KIRREL3: variants seen among roughly 807,000 people sequenced by gnomAD.
KIRREL3 encodes kin of IRRE-like protein 3.
KIRREL3 carries 36 observed loss-of-function variants against 89.7 expected under a neutral mutation model. That is an observed-to-expected ratio of 0.40 (90% confidence interval 0.31 to 0.53). KIRREL3 has a LOEUF of 0.53. Among genes scored for constraint, KIRREL3 ranks in the 20% least tolerant of loss-of-function variants. The probability of loss-of-function intolerance (pLI) is 0.49; values close to 1 mark genes in which losing one functional copy is unlikely to be tolerated. For synonymous variants in KIRREL3, 445 were observed against 441.4 expected (o/e 1.01, Z -0.10); for missense variants, 864 against 1,056.6 (o/e 0.82, Z 2.53).
At chr11:126,661,688 A>T (rs1226765733) in intron 1 of KIRREL3, among the ~76,000 whole-genome samples, 2 of 152,214 alleles carry the variant, frequency 1.3e-5, no homozygotes, top group Non-Finnish European at 2.9e-5. Context: ...GGTGCTCATC[A>T]TTGGCTGCAT....
Position 126,900,096 on chromosome 11 carries a change from A to G in KIRREL3, c.55+100359T>C, listed in dbSNP as rs574538306. Reference sequence around the variant, plus strand: ...GTCACTTCCTCTGCTCTCCAAATCAATTGTTTTGCACAATGGAGACACACT... The same window carrying G: ...GTCACTTCCTCTGCTCTCCAAATCAGTTGTTTTGCACAATGGAGACACACT... On this transcript the variant is annotated intron_variant, in intron 1 of 16. Transcript: ENST00000525144. The surrounding 1 kb of genome is among the most constrained non-coding windows in gnomAD (Gnocchi z 4.4). Among the ~76,000 whole-genome samples the G allele has an allele frequency of 1.3e-5, 2 of 152,288 alleles. No homozygotes were observed. Among genetic ancestry groups the G allele is most frequent in the African/African-American group, 4.8e-5 (2 of 41,570 alleles).
At chr11:126,545,686 C>G (rs967712142) in intron 2 of KIRREL3, among the ~76,000 whole-genome samples, 34 of 151,108 alleles carry the variant, frequency 2.3e-4, no homozygotes, top group African/African-American at 7.6e-4. Context: ...GGAGAACAGG[C>G]CTTCAGGGAG....
chr11:126,665,996 C>T (rs191609789), intron 1 of KIRREL3, among the ~76,000 whole-genome samples: 4 of 152,260 alleles, frequency 2.6e-5, no homozygotes, highest in South Asian at 2.1e-4. Flanking sequence ...CAGTCTAAAG[C>T]GTTGTTGCTA....
chr11:126,712,801 C>T (rs1034162202), intron 1 of KIRREL3, among the ~76,000 whole-genome samples: 3 of 152,226 alleles, frequency 2.0e-5, no homozygotes, highest in African/African-American at 7.2e-5. Context: ...CCTCGTTCCT[C>T]CTACAAAATG....
chr11:126,907,470 T>C (rs752394071), intron 1 of KIRREL3, among the ~76,000 whole-genome samples: 2 of 152,172 alleles, frequency 1.3e-5, no homozygotes, highest in Non-Finnish European at 2.9e-5. Flanking sequence ...CAGTGAGCTA[T>C]AAGAAAAAGA....
chr11:126,768,323 C>T lies in KIRREL3; in HGVS notation c.56-205411G>A, dbSNP rs1302584512. ...CCATCCAATCTGTCCATCTGTCCAT[C>T]CATACTGCATCCATCCATCCACTTA... On this transcript the variant is annotated intron_variant, in intron 1 of 16. Transcript: ENST00000525144. The surrounding 1 kb of genome is among the most constrained non-coding windows in gnomAD (Gnocchi z 4.5). Among the ~76,000 whole-genome samples the T allele has an allele frequency of 6.6e-6, 1 of 152,208 alleles. No individual in the cohort carries two copies. The highest frequency in any genetic ancestry group is 1.5e-5 in the Non-Finnish European group (1 of 68,044).
intron 1 of KIRREL3, among the ~76,000 whole-genome samples, chr11:126,921,439 CTAT>C (rs1379964148): frequency 3.3e-5 from 5 of 151,950 alleles, no homozygotes; most frequent in African/African-American, 1.2e-4. Flanking sequence ...ATCTATCTAT[CTAT>C]CTATCTTCCT....
Position 126,776,467 on chromosome 11 carries a change from G to A in KIRREL3, c.56-213555C>T, listed in dbSNP as rs539369499. Among the ~76,000 whole-genome samples the A allele has an allele frequency of 6.6e-6, 1 of 152,126 alleles. No homozygotes were observed. Among genetic ancestry groups the A allele is most frequent in the Non-Finnish European group, 1.5e-5 (1 of 68,024 alleles). On this transcript the variant is annotated intron_variant, in intron 1 of 16. Coordinates refer to ENST00000525144, the MANE Select transcript of KIRREL3 (RefSeq NM_032531.4). The surrounding 1 kb of genome is among the most constrained non-coding windows in gnomAD (Gnocchi z 4.7). ...TGAGAATCAAATGAAATGATTTGCA[G>A]CACCATAGCAGAGATATGGTGCTGC...
chr11:126,836,331 A>G (rs779912867), intron 1 of KIRREL3, among the ~76,000 whole-genome samples: 8 of 152,158 alleles, frequency 5.3e-5, no homozygotes, highest in Non-Finnish European at 1.2e-4. Flanking sequence ...AAAACTACTC[A>G]ATCTGATACC....
At position 126,795,810 on chromosome 11, in the gene KIRREL3, C is replaced by A. The variant is rs1029756090; in HGVS notation, c.55+204645G>T. Among the ~76,000 whole-genome samples, 22 of 152,232 alleles carry A rather than the reference C, an allele frequency of 1.4e-4. No individual in the cohort carries two copies. The highest frequency in any genetic ancestry group is 2.1e-4 in the South Asian group (1 of 4,796). ...ACTTCAACCACCAGTTCTTCTTCCC[C>A]CTGTGCACCCCAAGAGCGTACATCA... is the stretch of plus-strand genomic sequence containing the variant. On this transcript the variant is annotated intron_variant, in intron 1 of 16. Coordinates refer to ENST00000525144, the MANE Select transcript of KIRREL3 (RefSeq NM_032531.4). This position sits in a 1 kb window ranked among gnomAD's most constrained non-coding sequence, Gnocchi z 4.1.
At chr11:126,542,123 G>A (rs577901970) in intron 2 of KIRREL3, among the ~76,000 whole-genome samples, 43 of 152,326 alleles carry the variant, frequency 2.8e-4, no homozygotes, top group Non-Finnish European at 4.4e-4. Flanking sequence ...TCCCACTGAC[G>A]GTGTGAAAGC....
At chr11:126,921,996 TA>T (rs1474325041) in intron 1 of KIRREL3, among the ~76,000 whole-genome samples, 2 of 148,182 alleles carry the variant, frequency 1.3e-5, no homozygotes, top group Admixed American at 1.3e-4. Flanking sequence ...TCTATCTATC[TA>T]TCTATCTATC....
intron 1 of KIRREL3, among the ~76,000 whole-genome samples, chr11:126,826,191 C>T (rs967529625): frequency 6.6e-6 from 1 of 152,162 alleles, no homozygotes; most frequent in Non-Finnish European, 1.5e-5. Context: ...TTAACACCTG[C>T]TTTTCTTGCT....
chr11:126,940,390 G>T lies in KIRREL3; in HGVS notation c.55+60065C>A, dbSNP rs760832336. 1 of 86,586 alleles carries T rather than the reference G, an allele frequency of 1.2e-5. No homozygotes were observed. Among genetic ancestry groups the T allele is most frequent in the East Asian group, 3.3e-4 (1 of 3,046 alleles). The allele number at this position is 86,586 out of a possible 1,614,324, so 5.4% of individuals were successfully genotyped here. On this transcript the variant is annotated intron_variant, in intron 1 of 16. Transcript: ENST00000525144. The surrounding 1 kb of genome is among the most constrained non-coding windows in gnomAD (Gnocchi z 4.6). ...CCAGTAGATTTACTTTTGCTATGCCGCCCTAGATTATGAAAAAGTATAATT... is the reference window on the plus strand; with the variant it reads ...CCAGTAGATTTACTTTTGCTATGCCTCCCTAGATTATGAAAAAGTATAATT...
rs1950628089 is a variant in KIRREL3 at position 126,791,162 on chromosome 11, G to GC, written c.55+209292dup. On this transcript the variant is annotated intron_variant, in intron 1 of 16. Transcript: ENST00000525144. The surrounding 1 kb of genome is among the most constrained non-coding windows in gnomAD (Gnocchi z 4.8). ...GATCAGAAATTGCCTCCTGAGCGCT[G>GC]CCTGGCTGCTTCAGAAGAAAAGTCT... Among the ~76,000 whole-genome samples, 6 of 152,178 alleles carry GC rather than the reference G, an allele frequency of 3.9e-5. No homozygotes were observed. The highest frequency in any genetic ancestry group is 3.9e-4 in the Admixed American group (6 of 15,288).
In KIRREL3 at chr11:126,676,953, T is replaced by G. The variant is rs1296504595; in HGVS notation, c.56-114041A>C. Among the ~76,000 whole-genome samples, 1 of 151,912 alleles carries G rather than the reference T, an allele frequency of 6.6e-6. No individual in the cohort carries two copies. Among genetic ancestry groups the G allele is most frequent in the Non-Finnish European group, 1.5e-5 (1 of 68,002 alleles). ...GCATGCACCACCACACCACGCTAAT[T>G]TTTAAAAAATTTTTTGTAGAGACAG... On this transcript the variant is annotated intron_variant, in intron 1 of 16. Transcript: ENST00000525144. The surrounding 1 kb of genome is among the most constrained non-coding windows in gnomAD (Gnocchi z 4.5).
At chr11:126,823,830 G>T (rs1943310484) in intron 1 of KIRREL3, among the ~76,000 whole-genome samples, 1 of 152,188 alleles carries the variant, frequency 6.6e-6, no homozygotes, top group Non-Finnish European at 1.5e-5. Flanking sequence ...TGAAGTAGGG[G>T]GCTCAAGCTG....
intron 1 of KIRREL3, among the ~76,000 whole-genome samples, chr11:126,792,027 A>G (rs1255222287): frequency 6.6e-6 from 1 of 152,170 alleles, no homozygotes; most frequent in Admixed American, 6.5e-5. Context: ...CGACCTTCCC[A>G]ACCCCAGCCT....
In KIRREL3 at chr11:126,776,894, C is replaced by T. The variant is rs543028411; in HGVS notation, c.56-213982G>A. 3.0e-4 allele frequency among the ~76,000 whole-genome samples: 45 copies of T among 152,266 alleles called. No individual in the cohort carries two copies. The highest frequency in any genetic ancestry group is 8.2e-4 in the African/African-American group (34 of 41,546). On this transcript the variant is annotated intron_variant, in intron 1 of 16. Transcript: ENST00000525144. The surrounding 1 kb of genome is among the most constrained non-coding windows in gnomAD (Gnocchi z 4.7). ...GTAGTCCAAATGGAGTGCAGGAGAC[C>T]GGTGCCCATGGGAAGCCTCCAAAAG...
Sources: allele counts gnomAD v4.1 joint callset (sites outside exome capture counted in the v4.1 genomes callset), GRCh38; gene constraint gnomAD v4.1.1; non-coding constraint Gnocchi (gnomAD v3.1); transcripts MANE v1.5; gene names NCBI Gene and HGNC (gene_info 2026-07-23, HGNC 2026-07-21).